Variants in HS3ST3A1 observed in about 807,000 individuals in gnomAD.
HS3ST3A1 encodes heparan sulfate glucosamine 3-O-sulfotransferase 3A1.
Under a neutral mutation model 25.7 loss-of-function variants are expected in HS3ST3A1, and 19 were observed. The observed-to-expected ratio is 0.74, with a 90% CI of 0.52 to 1.08. The LOEUF (loss-of-function observed/expected upper bound fraction) is 1.08. Among genes scored for constraint, HS3ST3A1 ranks in the 50% least tolerant of loss-of-function variants. HS3ST3A1 has a pLI of 0.00. For missense variants in HS3ST3A1, 459 were observed against 594.3 expected (o/e 0.77, Z 2.37); for synonymous variants, 226 against 278.6 (o/e 0.81, Z 1.88).
At chr17:13,569,640 C>T (rs1049840477) in intron 1 of HS3ST3A1, among the ~76,000 whole-genome samples, 1 of 152,196 alleles carries the variant, frequency 6.6e-6, no homozygotes, top group Admixed American at 6.5e-5. Context: ...CTCTATACAA[C>T]CAGTAGCGAT....
chr17:13,500,544 T>C (rs1166865556), intron 1 of HS3ST3A1, among the ~76,000 whole-genome samples: 1 of 152,134 alleles, frequency 6.6e-6, no homozygotes. Context: ...TGAAGAAGTA[T>C]GGGAGAAATT....
intron 1 of HS3ST3A1, among the ~76,000 whole-genome samples, chr17:13,549,905 T>G (rs1257145159): frequency 6.6e-6 from 1 of 152,220 alleles, no homozygotes; most frequent in Non-Finnish European, 1.5e-5. Context: ...ATTGATAAAC[T>G]TTCCTTTCCT....
At chr17:13,532,144 C>G (rs1381695667) in intron 1 of HS3ST3A1, among the ~76,000 whole-genome samples, 1 of 152,114 alleles carries the variant, frequency 6.6e-6, no homozygotes, top group Non-Finnish European at 1.5e-5. Context: ...GGAGAAGCCA[C>G]GGACTTAGTT....
At chr17:13,514,285 T>C (rs1458646709) in intron 1 of HS3ST3A1, among the ~76,000 whole-genome samples, 1 of 152,128 alleles carries the variant, frequency 6.6e-6, no homozygotes, top group African/African-American at 2.4e-5. Flanking sequence ...ATCAATGTTT[T>C]TCTTTATGAC....
rs961457140 is a variant in HS3ST3A1 at position 13,494,355 on chromosome 17, T to G, written c.*1842A>C. 5.9e-5 allele frequency among the ~76,000 whole-genome samples: 9 copies of G among 152,206 alleles called. No homozygotes were observed. Among genetic ancestry groups the G allele is most frequent in the African/African-American group, 2.2e-4 (9 of 41,458 alleles). On this transcript the variant is annotated 3_prime_UTR_variant, in exon 2 of 2. Transcript: ENST00000284110. The stretch of plus-strand genomic sequence containing the variant: ...CTTCTATAAATGGGATATTAACAGA[T>G]AAATCCAAAGATTTGGAGCAATGAC...
intron 1 of HS3ST3A1, among the ~76,000 whole-genome samples, chr17:13,572,184 C>T (rs1907834101): frequency 6.6e-6 from 1 of 152,126 alleles, no homozygotes; most frequent in Non-Finnish European, 1.5e-5. Context: ...CTTTTTACGT[C>T]TATGAAATGT....
At chr17:13,574,039 A>G (rs978523031) in intron 1 of HS3ST3A1, among the ~76,000 whole-genome samples, 1 of 152,164 alleles carries the variant, frequency 6.6e-6, no homozygotes, top group African/African-American at 2.4e-5. Flanking sequence ...CTGTTACAGC[A>G]GATAAACTAA....
At chr17:13,531,444 A>T (rs1906604402) in intron 1 of HS3ST3A1, among the ~76,000 whole-genome samples, 2 of 152,134 alleles carry the variant, frequency 1.3e-5, no homozygotes, top group South Asian at 4.1e-4. Flanking sequence ...GAGAAAAACG[A>T]AATAGGTTTT....
chr17:13,507,161 G>A (rs1460192819), intron 1 of HS3ST3A1, among the ~76,000 whole-genome samples: 1 of 151,896 alleles, frequency 6.6e-6, no homozygotes, highest in Non-Finnish European at 1.5e-5. Context: ...ATAGATCCAG[G>A]GCAGCCAGAA....
At chr17:13,582,143 G>A (rs1333781374) in intron 1 of HS3ST3A1, among the ~76,000 whole-genome samples, 1 of 152,018 alleles carries the variant, frequency 6.6e-6, no homozygotes, top group Non-Finnish European at 1.5e-5. Flanking sequence ...TATAAAAGGG[G>A]AAACAACTCG....
intron 1 of HS3ST3A1, among the ~76,000 whole-genome samples, chr17:13,579,717 A>C (rs1411732686): frequency 7.0e-6 from 1 of 142,564 alleles, no homozygotes; most frequent in Non-Finnish European, 1.6e-5. Context: ...AAAAAAAAAA[A>C]AAAAAAAAAA....
chr17:13,505,489 G>C (rs1215998893), intron 1 of HS3ST3A1, among the ~76,000 whole-genome samples: 1 of 152,010 alleles, frequency 6.6e-6, no homozygotes, highest in African/African-American at 2.4e-5. Flanking sequence ...AATACTTTAG[G>C]GGGCTCTTCC....
At chr17:13,581,189 T>C (rs1490870595) in intron 1 of HS3ST3A1, among the ~76,000 whole-genome samples, 4 of 152,194 alleles carry the variant, frequency 2.6e-5, no homozygotes, top group Non-Finnish European at 4.4e-5. Context: ...GTCTATCATA[T>C]ACATTTATAT....
chr17:13,532,227 C>G (rs1217898562), intron 1 of HS3ST3A1, among the ~76,000 whole-genome samples: 1 of 152,164 alleles, frequency 6.6e-6, no homozygotes, highest in Non-Finnish European at 1.5e-5. Flanking sequence ...CTACACATCT[C>G]TTATGCCCTC....
chr17:13,496,914 G>C, intron 1 of HS3ST3A1, 96 bp from the exon 2 acceptor site: 2 of 1,505,852 alleles, frequency 1.3e-6, no homozygotes, highest in Non-Finnish European at 1.8e-6. Flanking sequence ...CGCAATTCCA[G>C]CCCCCGCAAC....
intron 1 of HS3ST3A1, among the ~76,000 whole-genome samples, chr17:13,599,326 G>T (rs2064777071): frequency 6.6e-6 from 1 of 152,172 alleles, no homozygotes; most frequent in South Asian, 2.1e-4. Flanking sequence ...CTCTCTGAGT[G>T]GATTGACTGT....
chr17:13,539,791 A>C (rs952053681), intron 1 of HS3ST3A1, among the ~76,000 whole-genome samples: 2 of 152,238 alleles, frequency 1.3e-5, no homozygotes, highest in African/African-American at 4.8e-5. Context: ...GTATTAACAC[A>C]TGATTTGTCG....
intron 1 of HS3ST3A1, among the ~76,000 whole-genome samples, chr17:13,526,731 T>A (rs1248850788): frequency 6.6e-6 from 1 of 151,828 alleles, no homozygotes; most frequent in East Asian, 1.9e-4. Context: ...TACAGCAACC[T>A]CCGCCTCCCA....
At chr17:13,573,881 G>A (rs1907881334) in intron 1 of HS3ST3A1, among the ~76,000 whole-genome samples, 1 of 152,152 alleles carries the variant, frequency 6.6e-6, no homozygotes, top group South Asian at 2.1e-4. Context: ...TGCTCTCTCT[G>A]ATATGTGAGA....
Sources: allele counts gnomAD v4.1 joint callset (sites outside exome capture counted in the v4.1 genomes callset), GRCh38; gene constraint gnomAD v4.1.1; transcripts MANE v1.5; gene names NCBI Gene and HGNC (gene_info 2026-07-23, HGNC 2026-07-21).